The following CDH18 variants were observed in gnomAD, a reference collection of about 807,000 sequenced individuals.
CDH18 encodes cadherin-18.
CDH18 carries 31 observed loss-of-function variants against 67.9 expected under a neutral mutation model. The observed-to-expected ratio is 0.46, with a 90% CI of 0.34 to 0.62. CDH18 has a LOEUF of 0.62. CDH18 is among the 20% of genes least tolerant of loss of function. The pLI is 0.01. For synonymous variants in CDH18, 362 were observed against 347.2 expected (o/e 1.04, Z -0.48); for missense variants, 890 against 975.5 (o/e 0.91, Z 1.17).
At chr5:19,856,145 G>C (rs1208808848) in intron 2 of CDH18, among the ~76,000 whole-genome samples, 3 of 152,208 alleles carry the variant, frequency 2.0e-5, no homozygotes, top group Admixed American at 6.5e-5. Context: ...CTTTGGAACT[G>C]TGCTACTTAC....
At chr5:20,564,806 G>T (rs368551802) in intron 1 of CDH18, among the ~76,000 whole-genome samples, 3 of 152,140 alleles carry the variant, frequency 2.0e-5, no homozygotes, top group African/African-American at 4.8e-5. Flanking sequence ...CTAACAGAAA[G>T]ACATTGTCTT....
chr5:19,626,308 G>T lies in CDH18; in HGVS notation c.644-13707C>A, dbSNP rs76568163. On this transcript the variant is annotated intron_variant, in intron 5 of 12. Coordinates refer to ENST00000382275, the MANE Select transcript of CDH18 (RefSeq NM_004934.5). ...ACAAGTGTTGACTTGACCAAAAAGG[G>T]CCTGAAGTCACTCAAGAAGAGCACA... 7.4e-3 allele frequency among the ~76,000 whole-genome samples: 1,134 copies of T among 152,232 alleles called. 20 individuals carry two copies. The highest frequency in any genetic ancestry group is 0.026 in the African/African-American group (1,090 of 41,528).
chr5:20,142,984 G>A (rs1173251739), intron 2 of CDH18, among the ~76,000 whole-genome samples: 1 of 152,140 alleles, frequency 6.6e-6, no homozygotes, highest in Non-Finnish European at 1.5e-5. Flanking sequence ...GAAAAATATA[G>A]AGGTAGTTTG....
intron 2 of CDH18, among the ~76,000 whole-genome samples, chr5:19,867,219 A>G (rs1440482055): frequency 1.4e-4 from 21 of 152,200 alleles, no homozygotes; most frequent in Admixed American, 1.4e-3. Context: ...AAAATATCAG[A>G]TTTTATTTTA....
intron 2 of CDH18, among the ~76,000 whole-genome samples, chr5:20,249,741 T>C (rs1031515005): frequency 6.6e-6 from 1 of 152,196 alleles, no homozygotes; most frequent in Non-Finnish European, 1.5e-5. Flanking sequence ...TCTTTTGAAT[T>C]CTATTGTAAA....
intron 5 of CDH18, among the ~76,000 whole-genome samples, chr5:19,646,198 TG>T (rs1754713943): frequency 6.6e-6 from 1 of 152,188 alleles, no homozygotes; most frequent in Non-Finnish European, 1.5e-5. Context: ...ATGGCTTGTT[TG>T]TTTATCTTTA....
chr5:20,209,384 A>T, intron 2 of CDH18, among the ~76,000 whole-genome samples: 1 of 151,440 alleles, frequency 6.6e-6, no homozygotes, highest in South Asian at 2.1e-4. Context: ...GATAAAGAAA[A>T]TATGGTTTTA....
intron 1 of CDH18, among the ~76,000 whole-genome samples, chr5:20,557,449 G>A (rs923897171): frequency 1.3e-5 from 2 of 152,102 alleles, no homozygotes; most frequent in Non-Finnish European, 2.9e-5. Context: ...TAACACATAT[G>A]TGATAAATAA....
At chr5:19,904,470 G>C (rs559269450) in intron 2 of CDH18, among the ~76,000 whole-genome samples, 127 of 151,878 alleles carry the variant, frequency 8.4e-4, no homozygotes, top group Non-Finnish European at 1.6e-3. Context: ...GGGAATTGGA[G>C]AGACACTTGA....
chr5:19,526,710 G>A (rs1315898495), intron 9 of CDH18, among the ~76,000 whole-genome samples: 1 of 151,688 alleles, frequency 6.6e-6, no homozygotes, highest in Non-Finnish European at 1.5e-5. Context: ...TGCCTTCTAG[G>A]GAATTTGGTA....
At chr5:20,247,591 C>T (rs578062923) in intron 2 of CDH18, among the ~76,000 whole-genome samples, 1 of 151,776 alleles carries the variant, frequency 6.6e-6, no homozygotes, top group Non-Finnish European at 1.5e-5. Flanking sequence ...TGGTGAAACC[C>T]CGTCTCTATT....
At position 20,321,519 on chromosome 5, in the gene CDH18, A is replaced by G. The variant is rs142996837; in HGVS notation, c.-579-66014T>C. The stretch of plus-strand genomic sequence containing the variant: ...GCCTCCTTCATGGAAATGTCATTTC[A>G]CATTACTTTTTTTAAAAGCTTTATT... On this transcript the variant is annotated intron_variant, in intron 1 of 14. Coordinates refer to the CDH18 transcript ENST00000507958. 7.6e-3 allele frequency among the ~76,000 whole-genome samples: 1,155 copies of G among 152,236 alleles called. 3 individuals are homozygous for G. Among genetic ancestry groups the G allele is most frequent in the Middle Eastern group, 0.014 (4 of 294 alleles).
intron 1 of CDH18, among the ~76,000 whole-genome samples, chr5:20,318,077 G>T (rs1434203193): frequency 6.6e-6 from 1 of 152,094 alleles, no homozygotes; most frequent in Non-Finnish European, 1.5e-5. Flanking sequence ...GAGCATGGAG[G>T]TGCTATTATG....
intron 5 of CDH18, among the ~76,000 whole-genome samples, chr5:19,615,317 C>T (rs1324559840): frequency 1.3e-5 from 2 of 152,072 alleles, no homozygotes; most frequent in Admixed American, 6.6e-5. Flanking sequence ...GGAACCCAGA[C>T]GCATTTTCTG....
intron 1 of CDH18, among the ~76,000 whole-genome samples, chr5:20,412,552 A>G (rs1224010001): frequency 1.3e-5 from 2 of 152,206 alleles, no homozygotes; most frequent in Non-Finnish European, 2.9e-5. Context: ...GAAACAGTGC[A>G]AACTGGCAAC....
chr5:20,360,781 T>G (rs1742026287), intron 1 of CDH18, among the ~76,000 whole-genome samples: 1 of 152,162 alleles, frequency 6.6e-6, no homozygotes, highest in African/African-American at 2.4e-5. Context: ...TGCTATTGCT[T>G]TACATTTTAC....
intron 2 of CDH18, among the ~76,000 whole-genome samples, chr5:20,100,253 A>ATAATCATTTATAAT (rs1306796271): frequency 1.3e-5 from 2 of 152,150 alleles, no homozygotes; most frequent in Non-Finnish European, 2.9e-5. Context: ...TTGAAATCTT[A>ATAATCATTTATAAT]TCTGTTCTTG....
chr5:20,532,378 TGA>T (rs1314462391), intron 1 of CDH18, among the ~76,000 whole-genome samples: 6 of 152,162 alleles, frequency 3.9e-5, no homozygotes, highest in East Asian at 1.9e-4. Context: ...CTAACTTCCC[TGA>T]GAGTCTCTTT....
At chr5:19,588,129 T>G (rs576323076) in intron 7 of CDH18, among the ~76,000 whole-genome samples, 1 of 152,258 alleles carries the variant, frequency 6.6e-6, no homozygotes, top group African/African-American at 2.4e-5. Flanking sequence ...TTTTTGCATA[T>G]TGATGTTGTA....
Sources: gnomAD v4.1 joint callset for allele counts (sites outside exome capture counted in the v4.1 genomes callset) on GRCh38, gnomAD v4.1.1 for gene constraint, MANE v1.5 for transcripts, NCBI Gene and HGNC (gene_info 2026-07-23, HGNC 2026-07-21) for gene names.